Variants in NR2C2 observed in about 807,000 individuals in gnomAD.
NR2C2 encodes Nuclear hormone receptor TR4.
NR2C2 carries 6 observed loss-of-function variants against 62.9 expected under a neutral mutation model. The observed-to-expected ratio is 0.10, with a 90% CI of 0.05 to 0.19. NR2C2 has a LOEUF of 0.19. Ranked by LOEUF, NR2C2 falls within the 10% of genes least tolerant of loss-of-function variation. The pLI, the probability that NR2C2 is intolerant of heterozygous loss-of-function variation, is 1.00. For synonymous variants in NR2C2, 272 were observed against 273.8 expected (o/e 0.99, Z 0.07); for missense variants, 479 against 762.7 (o/e 0.63, Z 4.38).
intron 7 of NR2C2, among the ~76,000 whole-genome samples, chr3:15,027,542 T>G (rs137891654): frequency 2.2e-4 from 34 of 152,346 alleles, no homozygotes; most frequent in African/African-American, 7.0e-4. Flanking sequence ...CTTCATATGC[T>G]TATGGGCTGT....
intron 2 of NR2C2, among the ~76,000 whole-genome samples, chr3:15,006,178 G>A (rs1035759645): frequency 6.6e-6 from 1 of 152,116 alleles, no homozygotes; most frequent in Admixed American, 6.5e-5. Flanking sequence ...CTGCACTCCA[G>A]CCTGGGCCAC....
At chr3:14,988,193 T>A (rs1305799245) in intron 1 of NR2C2, among the ~76,000 whole-genome samples, 2 of 152,244 alleles carry the variant, frequency 1.3e-5, no homozygotes, top group African/African-American at 4.8e-5. Context: ...GCCAGTCTCG[T>A]GAAGCTATGG....
At chr3:15,038,418 C>G in intron 12 of NR2C2, 1 of 276,574 alleles carries the variant, frequency 3.6e-6, no homozygotes, top group Non-Finnish European at 6.8e-6. Flanking sequence ...CTACACCATA[C>G]AAAAGTGTGC....
rs1199655805 is a variant in NR2C2, at chr3:15,045,505, C to T, written c.*2497C>T. 6.6e-6 allele frequency: 1 copy of T among 152,654 alleles called. No homozygotes were observed. Among genetic ancestry groups the T allele is most frequent in the Non-Finnish European group, 1.5e-5 (1 of 68,080 alleles). 9.5% of individuals were successfully genotyped at this position (152,654 alleles called of 1,614,324 possible). On this transcript the variant is annotated 3_prime_UTR_variant, in exon 14 of 14. Coordinates refer to ENST00000425241, the MANE Select transcript of NR2C2 (RefSeq NM_001291694.2). ...GGCTGATTCCAGGGACTGTTTTGGG[C>T]TTTGAACACCTCTTGGTTGGTTTCT... is the stretch of plus-strand genomic sequence containing the variant.
At chr3:14,949,347 C>G (rs562623819) in intron 1 of NR2C2, among the ~76,000 whole-genome samples, 1 of 152,208 alleles carries the variant, frequency 6.6e-6, no homozygotes, top group Non-Finnish European at 1.5e-5. Flanking sequence ...GGAGGAATGG[C>G]ATTCCAGACA....
At chr3:14,949,999 A>G (rs753145313) in intron 1 of NR2C2, among the ~76,000 whole-genome samples, 28 of 152,352 alleles carry the variant, frequency 1.8e-4, no homozygotes, top group Non-Finnish European at 3.4e-4. Flanking sequence ...CATCTGGACA[A>G]TAATAGAGCC....
chr3:14,979,088 T>C (rs75702658), intron 1 of NR2C2, among the ~76,000 whole-genome samples: 2,416 of 152,348 alleles, frequency 0.016, 69 homozygotes, highest in African/African-American at 0.054. Flanking sequence ...CATCATCTGC[T>C]TTCTGTCCTC....
chr3:15,018,746 G>A (rs2041584749), intron 4 of NR2C2, among the ~76,000 whole-genome samples: 2 of 151,994 alleles, frequency 1.3e-5, no homozygotes, highest in South Asian at 2.1e-4. Flanking sequence ...GCAGGGTGCG[G>A]TGTCTCACAT....
intron 1 of NR2C2, among the ~76,000 whole-genome samples, chr3:14,986,680 T>C (rs1157613816): frequency 6.6e-6 from 1 of 152,204 alleles, no homozygotes; most frequent in Non-Finnish European, 1.5e-5. Flanking sequence ...GGAAAGCATA[T>C]CCTTTTATTG....
chr3:15,014,968 A>G (rs777068218), intron 3 of NR2C2, among the ~76,000 whole-genome samples: 4 of 152,232 alleles, frequency 2.6e-5, no homozygotes, highest in Non-Finnish European at 5.9e-5. Context: ...AAAGAAGGGA[A>G]GACTTTTTTT....
intron 2 of NR2C2, among the ~76,000 whole-genome samples, chr3:15,005,798 TC>T (rs2041157528): frequency 6.6e-6 from 1 of 152,150 alleles, no homozygotes; most frequent in Non-Finnish European, 1.5e-5. Flanking sequence ...TTTTCCTACT[TC>T]CTACATAATT....
intron 13 of NR2C2, among the ~76,000 whole-genome samples, chr3:15,041,249 CT>C (rs1402639558): frequency 5.3e-5 from 8 of 152,138 alleles, no homozygotes; most frequent in African/African-American, 1.7e-4. Context: ...CTTCCCCATC[CT>C]TGTGCCTTTT....
intron 5 of NR2C2, among the ~76,000 whole-genome samples, chr3:15,022,877 T>C (rs990391640): frequency 1.3e-5 from 2 of 152,044 alleles, no homozygotes; most frequent in Non-Finnish European, 2.9e-5. Flanking sequence ...AATAAAATAA[T>C]AACATAAAAT....
chr3:14,981,688 A>G (rs1470773933), intron 1 of NR2C2, among the ~76,000 whole-genome samples: 1 of 152,022 alleles, frequency 6.6e-6, no homozygotes, highest in African/African-American at 2.4e-5. Flanking sequence ...CTGAGGAGCA[A>G]GGAAGTCAGT....
rs1032997661 is a variant in NR2C2 at position 15,016,152 on chromosome 3, A to G, written c.274A>G (p.Ile92Val). The change falls in exon 4 of 14, where the codon ATT becomes GTT. Residue 92 changes from isoleucine to valine, a missense_variant and splice_region_variant. By Grantham distance (29) the Ile-to-Val change is conservative. This residue lies in a region of NR2C2 where 115 missense variants were observed against 152.3 expected (regional missense o/e 0.76). Coordinates refer to ENST00000425241, the MANE Select transcript of NR2C2 (RefSeq NM_001291694.2). Reference sequence around the variant, plus strand: ...CTGTTCGTTTCCTGATTTCTCTCAGATTGTCACGGATTCTGCCTCTGTGGA... The same window carrying G: ...CTGTTCGTTTCCTGATTTCTCTCAGGTTGTCACGGATTCTGCCTCTGTGGA... ...SDNLVPGRIQIVTDSASVERL... is the reference protein window; with the variant it reads ...SDNLVPGRIQVVTDSASVERL... 1.1e-5 allele frequency: 18 copies of G among 1,612,958 alleles called. No homozygotes were observed. Among genetic ancestry groups the G allele is most frequent in the Admixed American group, 6.7e-5 (4 of 59,958 alleles).
chr3:14,958,261 A>G (rs2039584247), intron 1 of NR2C2, among the ~76,000 whole-genome samples: 1 of 152,152 alleles, frequency 6.6e-6, no homozygotes, highest in Non-Finnish European at 1.5e-5. Flanking sequence ...TGCCTAGTTC[A>G]TAGCAGTTAC....
intron 1 of NR2C2, among the ~76,000 whole-genome samples, chr3:14,995,697 C>G (rs1182655384): frequency 6.8e-5 from 6 of 88,376 alleles, no homozygotes; most frequent in Admixed American, 6.1e-4. Flanking sequence ...GTGTGTACAC[C>G]TAAGAGTGGA....
At chr3:15,033,798 T>G (rs1282973831) in intron 10 of NR2C2, among the ~76,000 whole-genome samples, 1 of 152,142 alleles carries the variant, frequency 6.6e-6, no homozygotes, top group African/African-American at 2.4e-5. Context: ...TCCACAGAGT[T>G]TCTCAGTCCG....
At chr3:14,998,550 A>AT (rs2040895929) in intron 1 of NR2C2, among the ~76,000 whole-genome samples, 1 of 152,132 alleles carries the variant, frequency 6.6e-6, no homozygotes, top group Admixed American at 6.6e-5. Context: ...CTTATTGGCC[A>AT]TTTGTATATC....
Sources: gnomAD v4.1 joint callset for allele counts (sites outside exome capture counted in the v4.1 genomes callset) on GRCh38, gnomAD v4.1.1 for gene constraint, gnomAD v4.1.1 regional missense constraint, MANE v1.5 for transcripts, NCBI Gene and HGNC (gene_info 2026-07-23, HGNC 2026-07-21) for gene names.